The following ACSL3 variants were observed in gnomAD, a reference collection of about 807,000 sequenced individuals.
The protein encoded by ACSL3 is fatty acid CoA ligase Acsl3.
ACSL3 carries 34 observed loss-of-function variants against 84.7 expected under a neutral mutation model. The observed-to-expected ratio is 0.40, with a 90% CI of 0.31 to 0.53. ACSL3 has a LOEUF of 0.53. Ranked by LOEUF, ACSL3 falls within the 20% of genes least tolerant of loss-of-function variation. ACSL3 has a pLI of 0.48. For missense variants in ACSL3, 680 were observed against 873.1 expected (o/e 0.78, Z 2.79); for synonymous variants, 315 against 299.4 (o/e 1.05, Z -0.54).
At chr2:222,929,478 A>T (rs1354716903) in intron 13 of ACSL3, among the ~76,000 whole-genome samples, 1 of 152,060 alleles carries the variant, frequency 6.6e-6, no homozygotes, top group East Asian at 1.9e-4. Flanking sequence ...TTTCCTCTAC[A>T]TTAAGTAAAG....
At chr2:222,939,886 T>C (rs989324295) in intron 16 of ACSL3, among the ~76,000 whole-genome samples, 4 of 152,246 alleles carry the variant, frequency 2.6e-5, no homozygotes, top group African/African-American at 9.6e-5. Context: ...ATTTCTTTCA[T>C]GTATCATATG....
At chr2:222,882,577 T>G (rs1036371544) in intron 1 of ACSL3, among the ~76,000 whole-genome samples, 6 of 152,070 alleles carry the variant, frequency 3.9e-5, no homozygotes, top group Non-Finnish European at 7.4e-5. Context: ...GCATGCCGAA[T>G]TCCTGCTCCT....
chr2:222,921,935 T>C (rs1696751165), intron 8 of ACSL3, among the ~76,000 whole-genome samples: 2 of 152,176 alleles, frequency 1.3e-5, no homozygotes, highest in Admixed American at 1.3e-4. Context: ...GGTATTCTGA[T>C]GACCGATAGG....
At chr2:222,917,539 A>G (rs1469363411) in intron 5 of ACSL3, 1 of 152,254 alleles carries the variant, frequency 6.6e-6, no homozygotes, top group Non-Finnish European at 1.5e-5. Context: ...AAAAATCTAC[A>G]CTATTCATGT....
At chr2:222,898,902 G>A (rs1457984241) in intron 2 of ACSL3, among the ~76,000 whole-genome samples, 3 of 152,266 alleles carry the variant, frequency 2.0e-5, no homozygotes, top group Middle Eastern at 6.8e-3. Context: ...GTATAAAGGG[G>A]TATTAGCAAA....
intron 16 of ACSL3, among the ~76,000 whole-genome samples, chr2:222,936,710 T>C (rs1417225263): frequency 1.4e-5 from 2 of 143,010 alleles, no homozygotes; most frequent in Admixed American, 7.8e-5. Context: ...TACCTGAGAC[T>C]GGGTAATTTA....
At chr2:222,871,917 C>G (rs1695313119) in intron 1 of ACSL3, among the ~76,000 whole-genome samples, 1 of 152,094 alleles carries the variant, frequency 6.6e-6, no homozygotes, top group Non-Finnish European at 1.5e-5. Flanking sequence ...TTTTGCTTCT[C>G]TGCTTTATCT....
At chr2:222,890,141 T>C (rs1227834928) in intron 2 of ACSL3, among the ~76,000 whole-genome samples, 1 of 152,214 alleles carries the variant, frequency 6.6e-6, no homozygotes, top group African/African-American at 2.4e-5. Flanking sequence ...ATTTATTCTG[T>C]ATATTTCCAC....
intron 3 of ACSL3, 133 bp downstream of exon 3, chr2:222,900,913 T>C (rs1358761557): frequency 6.6e-6 from 1 of 152,230 alleles, no homozygotes; most frequent in Non-Finnish European, 1.5e-5. Context: ...TAAGTTCTTT[T>C]CAAAGGGCAC....
intron 1 of ACSL3, among the ~76,000 whole-genome samples, chr2:222,882,759 CTGTTTTTT>C (rs1042176907): frequency 3.0e-4 from 18 of 60,996 alleles, no homozygotes; most frequent in African/African-American, 1.4e-3. Flanking sequence ...CTCCAGATCA[CTGTTTTTT>C]TTTTTTTTTT....
chr2:222,911,199 G>A (rs977265378), intron 4 of ACSL3, among the ~76,000 whole-genome samples: 10 of 152,064 alleles, frequency 6.6e-5, no homozygotes, highest in African/African-American at 9.7e-5. Flanking sequence ...ACAGGCATGC[G>A]CCACCACGTC....
intron 1 of ACSL3, among the ~76,000 whole-genome samples, chr2:222,885,218 A>G (rs1006246403): frequency 1.3e-5 from 2 of 152,228 alleles, no homozygotes; most frequent in Non-Finnish European, 2.9e-5. Context: ...AGCATGGCAC[A>G]TAAGTTTCCC....
intron 2 of ACSL3, among the ~76,000 whole-genome samples, chr2:222,898,083 C>T (rs923754654): frequency 3.3e-5 from 5 of 152,170 alleles, no homozygotes; most frequent in Non-Finnish European, 5.9e-5. Flanking sequence ...TTCACATTAT[C>T]AAAACCAGTG....
rs573446466 is a variant in ACSL3, at chr2:222,919,744, G to A, written c.805+542G>A. Among the ~76,000 whole-genome samples the A allele has an allele frequency of 2.0e-5, 3 of 152,342 alleles. No homozygotes were observed. The East Asian group carries it at 5.8e-4, about 29-fold the overall frequency. On this transcript the variant is annotated intron_variant, in intron 7 of 16. Coordinates refer to ENST00000357430, the MANE Select transcript of ACSL3 (RefSeq NM_004457.5). The stretch of plus-strand genomic sequence containing the variant: ...ATACTGCAAAAGCTGCTGGGATGCT[G>A]GGACTGCATTTCCTCTGTAGTTGGA...
chr2:222,914,467 G>T (rs569505789), intron 4 of ACSL3, among the ~76,000 whole-genome samples: 85 of 152,188 alleles, frequency 5.6e-4, no homozygotes, highest in African/African-American at 2.0e-3. Context: ...TTGCTGTGTT[G>T]CCCAGGCTGG....
rs1365488746 is a variant in ACSL3 at position 222,889,286 on chromosome 2, GGGAGGGT to G, written c.-148+1401_-148+1407del. On this transcript the variant is annotated intron_variant, in intron 2 of 16. Coordinates refer to ENST00000357430, the MANE Select transcript of ACSL3 (RefSeq NM_004457.5). The stretch of plus-strand genomic sequence containing the variant: ...GGAAAAGGCCGTCAGAAACTGATGT[GGGAGGGT>G]GGTGCACAGGAAGAAGTACTATGGT... Among the ~76,000 whole-genome samples, 10 of 152,224 alleles carry G rather than the reference GGGAGGGT, an allele frequency of 6.6e-5. No individual in the cohort carries two copies. In the South Asian group the frequency reaches 8.3e-4, roughly 13 times the overall value.
chr2:222,909,052 T>C lies in ACSL3; in HGVS notation c.280T>C (p.Tyr94His). ...TGATACTTTAGATAAAGTTTTTACA[T>C]ATGCAAAAAACAAATTTAAGAACAA... is the stretch of plus-strand genomic sequence containing the variant. ...GCDTLDKVFT[Y>H]AKNKFKNKRL... is the part of the protein sequence containing the mutation. Residue 94 changes from tyrosine to histidine, a missense_variant, in exon 4 of 17, where the codon TAT becomes CAT. Tyr to His is a moderately conservative substitution (Grantham distance 83). Transcript: ENST00000357430. The C allele has an allele frequency of 1.2e-6, 2 of 1,612,528 alleles. No individual in the cohort carries two copies. Among genetic ancestry groups the C allele is most frequent in the Non-Finnish European group, 8.5e-7 (1 of 1,179,496 alleles).
intron 1 of ACSL3, among the ~76,000 whole-genome samples, chr2:222,874,688 T>A (rs1302248671): frequency 6.6e-6 from 1 of 151,600 alleles, no homozygotes; most frequent in Non-Finnish European, 1.5e-5. Context: ...AAAAAAAAAA[T>A]TAGCAACCCG....
Position 222,940,475 on chromosome 2 carries a change from C to CT in ACSL3, c.2006-1004dup, listed in dbSNP as rs543017870. Among the ~76,000 whole-genome samples the CT allele has an allele frequency of 9.4e-3, 1,156 of 122,594 alleles. 15 individuals carry two copies. The highest frequency in any genetic ancestry group is 0.025 in the African/African-American group (842 of 33,252). 80.4% of individuals were successfully genotyped at this position (122,594 alleles called of 152,430 possible). On this transcript the variant is annotated intron_variant, in intron 16 of 16. Transcript: ENST00000357430. ...TTATGCAGCCTGTGCTGGAACTTGT[C>CT]TTTTTTTTTTTTTTTTTTAACCTAA...
Sources: allele counts gnomAD v4.1 joint callset (sites outside exome capture counted in the v4.1 genomes callset), GRCh38; gene constraint gnomAD v4.1.1; transcripts MANE v1.5; gene names NCBI Gene and HGNC (gene_info 2026-07-23, HGNC 2026-07-21).